GPR158: variants seen among roughly 807,000 people sequenced by gnomAD.
GPR158 encodes the protein metabotropic glycine receptor.
GPR158 carries 30 observed loss-of-function variants against 78.2 expected under a neutral mutation model. That is an observed-to-expected ratio of 0.38 (90% CI 0.29 to 0.52). The LOEUF (loss-of-function observed/expected upper bound fraction) is 0.52. GPR158 is among the 20% of genes least tolerant of loss of function. The probability of loss-of-function intolerance (pLI) is 0.83; values close to 1 mark genes in which losing one functional copy is unlikely to be tolerated. For missense variants in GPR158, 1,463 were observed against 1,523.5 expected, an observed-to-expected ratio of 0.96 and a Z score of 0.66; for synonymous variants, 581 against 591.1, an observed-to-expected ratio of 0.98 and a Z score of 0.25.
chr10:25,322,568 A>T (rs1854968105), intron 2 of GPR158, among the ~76,000 whole-genome samples: 1 of 152,158 alleles, frequency 6.6e-6, no homozygotes, highest in Admixed American at 6.5e-5. Flanking sequence ...TTGTAATGGC[A>T]TTTAGAATGG....
intron 1 of GPR158, among the ~76,000 whole-genome samples, chr10:25,215,759 G>A (rs1441965662): frequency 6.6e-6 from 1 of 152,116 alleles, no homozygotes; most frequent in African/African-American, 2.4e-5. Context: ...CACTTCAGCT[G>A]GGGAGGTGGA....
At chr10:25,548,730 C>T (rs577472954) in intron 5 of GPR158, among the ~76,000 whole-genome samples, 2 of 152,336 alleles carry the variant, frequency 1.3e-5, no homozygotes, top group East Asian at 3.9e-4. Flanking sequence ...CTAAGAGTTA[C>T]AGTCCACTAT....
At chr10:25,521,430 C>T (rs922069908) in intron 5 of GPR158, among the ~76,000 whole-genome samples, 8 of 152,172 alleles carry the variant, frequency 5.3e-5, no homozygotes, top group Non-Finnish European at 1.2e-4. Context: ...TTTTTTCCTT[C>T]CTAACTTGCA....
intron 2 of GPR158, among the ~76,000 whole-genome samples, chr10:25,337,044 T>C (rs1038459562): frequency 6.6e-6 from 1 of 152,146 alleles, no homozygotes; most frequent in African/African-American, 2.4e-5. Flanking sequence ...CTGTAGATAC[T>C]TAACATTTTA....
chr10:25,589,407 T>C (rs1837312361), intron 8 of GPR158, among the ~76,000 whole-genome samples: 1 of 152,226 alleles, frequency 6.6e-6, no homozygotes, highest in Non-Finnish European at 1.5e-5. Flanking sequence ...AAGCCACTTA[T>C]GGAAATGTAA....
intron 4 of GPR158, among the ~76,000 whole-genome samples, chr10:25,440,822 C>T (rs1255489973): frequency 6.6e-6 from 1 of 152,068 alleles, no homozygotes; most frequent in Non-Finnish European, 1.5e-5. Flanking sequence ...GCTGAGGGCT[C>T]TTAAGGGGTA....
intron 2 of GPR158, among the ~76,000 whole-genome samples, chr10:25,354,101 C>T (rs1452781631): frequency 6.6e-6 from 1 of 151,996 alleles, no homozygotes; most frequent in Non-Finnish European, 1.5e-5. Context: ...TGCCTGTAAA[C>T]CCAGCACTTT....
chr10:25,243,451 C>A (rs1853651512), intron 2 of GPR158, among the ~76,000 whole-genome samples: 1 of 152,112 alleles, frequency 6.6e-6, no homozygotes. Context: ...AAGGCCTTTC[C>A]CACAATGCTA....
intron 1 of GPR158, among the ~76,000 whole-genome samples, chr10:25,205,705 C>T (rs1212331515): frequency 6.6e-6 from 1 of 152,088 alleles, no homozygotes; most frequent in African/African-American, 2.4e-5. Flanking sequence ...AGTTCAGAAG[C>T]AGGTTGTTTG....
At chr10:25,516,032 T>G (rs1470290073) in intron 5 of GPR158, among the ~76,000 whole-genome samples, 2 of 151,468 alleles carry the variant, frequency 1.3e-5, no homozygotes, top group African/African-American at 4.8e-5. Flanking sequence ...CCAGCACCTG[T>G]TGTTTCCTGA....
chr10:25,526,147 G>A (rs1011414200), intron 5 of GPR158, among the ~76,000 whole-genome samples: 2 of 144,570 alleles, frequency 1.4e-5, no homozygotes, highest in African/African-American at 5.1e-5. Flanking sequence ...AGCAATTCTG[G>A]TTCTAATAAC....
At chr10:25,323,313 A>G (rs1377882523) in intron 2 of GPR158, among the ~76,000 whole-genome samples, 1 of 152,170 alleles carries the variant, frequency 6.6e-6, no homozygotes, top group African/African-American at 2.4e-5. Context: ...TCAGAATGGT[A>G]AATGAGCATT....
At chr10:25,393,185 G>A (rs2130524832) in intron 2 of GPR158, among the ~76,000 whole-genome samples, 1 of 152,192 alleles carries the variant, frequency 6.6e-6, no homozygotes, top group East Asian at 1.9e-4. Flanking sequence ...TTAGTTTATA[G>A]CAGAGAGATA....
At chr10:25,412,817 C>T (rs2130550012) in intron 4 of GPR158, among the ~76,000 whole-genome samples, 1 of 152,190 alleles carries the variant, frequency 6.6e-6, no homozygotes, top group African/African-American at 2.4e-5. Flanking sequence ...ATCCAAGAAG[C>T]TTTGTTATGT....
chr10:25,439,628 C>T (rs1835041983), intron 4 of GPR158, among the ~76,000 whole-genome samples: 2 of 151,982 alleles, frequency 1.3e-5, no homozygotes, highest in African/African-American at 2.4e-5. Flanking sequence ...CCTAATATTC[C>T]TATAATTTTT....
At chr10:25,529,312 G>A (rs1224543168) in intron 5 of GPR158, among the ~76,000 whole-genome samples, 2 of 152,016 alleles carry the variant, frequency 1.3e-5, no homozygotes, top group South Asian at 2.1e-4. Flanking sequence ...ACTTGAACTC[G>A]GGAGGCGGAG....
chr10:25,596,483 G>GTCTCTC (rs958354657), intron 9 of GPR158, among the ~76,000 whole-genome samples, 160 bp from the exon 10 acceptor site: 2 of 151,524 alleles, frequency 1.3e-5, no homozygotes, highest in Admixed American at 6.6e-5. Flanking sequence ...GTCTGTCTGT[G>GTCTCTC]TCTCTCTCTC....
chr10:25,359,171 G>A (rs188467763), intron 2 of GPR158, among the ~76,000 whole-genome samples: 90 of 151,860 alleles, frequency 5.9e-4, no homozygotes, highest in Non-Finnish European at 9.6e-4. Flanking sequence ...ATATTGTTAC[G>A]CCTTCTTGAG....
intron 5 of GPR158, 95 bp downstream of exon 5, chr10:25,466,814 ACC>A: frequency 2.8e-5 from 15 of 538,324 alleles, no homozygotes; most frequent in South Asian, 2.1e-4. Flanking sequence ...ACATACACAC[ACC>A]CTGGTGTTAC....
Sources: allele counts gnomAD v4.1 joint callset (sites outside exome capture counted in the v4.1 genomes callset), GRCh38; gene constraint gnomAD v4.1.1; transcripts MANE v1.5; gene names NCBI Gene and HGNC (gene_info 2026-07-23, HGNC 2026-07-21).